The following PTPRT variants were observed in gnomAD, a reference collection of about 807,000 sequenced individuals.
PTPRT encodes the protein protein tyrosine phosphatase receptor type T, also known as receptor-type tyrosine-protein phosphatase T.
In PTPRT, 56 loss-of-function variants were observed where a neutral mutation model predicts 176.8. The observed-to-expected ratio is 0.32, with a 90% CI of 0.26 to 0.40. The LOEUF (loss-of-function observed/expected upper bound fraction) is 0.40. Among genes scored for constraint, PTPRT ranks in the 10% least tolerant of loss-of-function variants. The probability of loss-of-function intolerance (pLI) is 1.00; values close to 1 mark genes in which losing one functional copy is unlikely to be tolerated. For missense variants in PTPRT, 1,540 were observed against 1,908.2 expected, an observed-to-expected ratio of 0.81 and a Z score of 3.60; for synonymous variants, 783 against 739.0, an observed-to-expected ratio of 1.06 and a Z score of -0.96.
At chr20:43,020,448 A>C (rs971587641) in intron 1 of PTPRT, among the ~76,000 whole-genome samples, 1 of 152,220 alleles carries the variant, frequency 6.6e-6, no homozygotes, top group Non-Finnish European at 1.5e-5. Context: ...GGACAATGGA[A>C]TACTCACTCT....
intron 3 of PTPRT, among the ~76,000 whole-genome samples, chr20:42,784,562 A>G (rs1402535549): frequency 1.3e-5 from 2 of 152,140 alleles, no homozygotes; most frequent in African/African-American, 4.8e-5. Flanking sequence ...TAGAATTCCA[A>G]GAGTGGTAGA....
At chr20:42,322,388 C>T (rs898410416) in intron 11 of PTPRT, among the ~76,000 whole-genome samples, 4 of 143,862 alleles carry the variant, frequency 2.8e-5, no homozygotes. Flanking sequence ...ACCAAAACAG[C>T]ATGGTACTGG....
At chr20:42,153,868 CCA>C (rs1300315496) in intron 17 of PTPRT, among the ~76,000 whole-genome samples, 3 of 152,206 alleles carry the variant, frequency 2.0e-5, no homozygotes, top group Admixed American at 1.3e-4. Context: ...CTAGATCCCT[CCA>C]AGATCCTTGG....
chr20:42,064,619 A>G, the PTPRT span, among the ~76,000 whole-genome samples: 11 of 152,158 alleles, frequency 7.2e-5, no homozygotes, highest in African/African-American at 2.7e-4. Flanking sequence ...TTTATTTTGC[A>G]TACTTATTTT....
At chr20:42,856,874 A>G (rs1450092756) in intron 2 of PTPRT, among the ~76,000 whole-genome samples, 1 of 152,130 alleles carries the variant, frequency 6.6e-6, no homozygotes, top group Non-Finnish European at 1.5e-5. Context: ...GGGAGGGAAA[A>G]AGGAGGAGAA....
At chr20:42,830,064 T>G (rs1306055518) in intron 2 of PTPRT, among the ~76,000 whole-genome samples, 2 of 152,062 alleles carry the variant, frequency 1.3e-5, no homozygotes, top group Non-Finnish European at 2.9e-5. Flanking sequence ...TCCAAAAAAT[T>G]GAGGAGGATA....
intron 13 of PTPRT, chr20:42,270,304 G>C (rs966115650): frequency 8.4e-5 from 103 of 1,225,284 alleles, no homozygotes; most frequent in Non-Finnish European, 1.1e-4. Context: ...GGGGTGGAAA[G>C]ACTGCTGATT....
At chr20:42,662,026 A>C (rs1409625863) in intron 7 of PTPRT, among the ~76,000 whole-genome samples, 2 of 152,214 alleles carry the variant, frequency 1.3e-5, no homozygotes, top group African/African-American at 2.4e-5. Context: ...TGAACACAGC[A>C]AAGGGCTAGC....
chr20:42,651,997 G>A (rs6030394), intron 7 of PTPRT, among the ~76,000 whole-genome samples: 38,263 of 151,406 alleles, frequency 0.25, 5,230 homozygotes, highest in East Asian at 0.44. Flanking sequence ...GCAGTGAGCC[G>A]AGATGGTGCC....
At chr20:42,670,978 T>G (rs1014487993) in intron 7 of PTPRT, among the ~76,000 whole-genome samples, 1 of 152,102 alleles carries the variant, frequency 6.6e-6, no homozygotes, top group East Asian at 1.9e-4. Context: ...AGGGTAACAA[T>G]GAGGAAGAGC....
intron 1 of PTPRT, among the ~76,000 whole-genome samples, chr20:42,915,222 T>C (rs1254018286): frequency 6.6e-6 from 1 of 152,208 alleles, no homozygotes; most frequent in Non-Finnish European, 1.5e-5. Flanking sequence ...CAATGCACAA[T>C]GCGGTTCGAA....
intron 12 of PTPRT, among the ~76,000 whole-genome samples, chr20:42,315,185 A>G (rs1026277100): frequency 1.6e-3 from 9 of 5,462 alleles, no homozygotes; most frequent in Non-Finnish European, 4.7e-3. Context: ...GCTCCGTCTC[A>G]AAAAAAAAAA....
intron 13 of PTPRT, among the ~76,000 whole-genome samples, chr20:42,261,590 A>T (rs1600743203): frequency 6.6e-6 from 1 of 152,226 alleles, no homozygotes; most frequent in East Asian, 1.9e-4. Context: ...AAGGGTTCAC[A>T]GCCAAATGGA....
rs2070768210 is a variant in PTPRT at position 42,448,278 on chromosome 20, T to C, written c.1502A>G (p.Lys501Arg). Reference protein sequence around the residue: ...ESIQGGPFEEKIYIQWKPPNE... With the variant: ...ESIQGGPFEERIYIQWKPPNE... ...GGGAGGTTTCCACTGGATGTAGATC[T>C]TCTCCTCAAAGGGCCCCCCTTGGAT... The change falls in exon 9 of 31, where the codon AAG becomes AGG. Residue 501 changes from lysine (K) to arginine (R), a missense_variant. By Grantham distance (26) the Lys-to-Arg change is conservative. Transcript: ENST00000373187. 1 of 1,613,514 alleles carries C rather than the reference T, an allele frequency of 6.2e-7. No homozygotes were observed. The highest frequency in any genetic ancestry group is 1.7e-5 in the Admixed American group (1 of 59,990).
intron 1 of PTPRT, among the ~76,000 whole-genome samples, chr20:43,152,327 A>G (rs1449700020): frequency 6.6e-6 from 1 of 152,260 alleles, no homozygotes; most frequent in Non-Finnish European, 1.5e-5. Flanking sequence ...TTGTTTTCTC[A>G]AATGGGCTTG....
chr20:42,972,676 C>CAAAAAAAAAAA (rs33947245), intron 1 of PTPRT, among the ~76,000 whole-genome samples: 11 of 77,508 alleles, frequency 1.4e-4, no homozygotes, highest in African/African-American at 2.5e-4. Flanking sequence ...TCTCAAAAAG[C>CAAAAAAAAAAA]AAAAAAAAAA....
chr20:43,146,615 A>G (rs1600747463), intron 1 of PTPRT, among the ~76,000 whole-genome samples: 1 of 152,170 alleles, frequency 6.6e-6, no homozygotes, highest in Admixed American at 6.5e-5. Context: ...GCAGTGGTGT[A>G]GAAACAAACA....
intron 24 of PTPRT, 33 bp downstream of exon 24, chr20:42,106,753 G>A: frequency 6.2e-7 from 1 of 1,606,040 alleles, no homozygotes; most frequent in Non-Finnish European, 8.5e-7. Context: ...CAGGGCTACA[G>A]GTGGCCAACT....
chr20:42,642,054 G>A (rs2074768337), intron 7 of PTPRT, among the ~76,000 whole-genome samples: 1 of 152,154 alleles, frequency 6.6e-6, no homozygotes, highest in Admixed American at 6.5e-5. Flanking sequence ...CAACCAGACT[G>A]TTTACACCAG....
Sources: allele counts gnomAD v4.1 joint callset (sites outside exome capture counted in the v4.1 genomes callset), GRCh38; gene constraint gnomAD v4.1.1; transcripts MANE v1.5; gene names NCBI Gene and HGNC (gene_info 2026-07-23, HGNC 2026-07-21).